The following RAB4A variants were observed in gnomAD, a reference collection of about 807,000 sequenced individuals.
RAB4A encodes RAB4A, member RAS oncogene family.
Under a neutral mutation model 34.5 loss-of-function variants are expected in RAB4A, and 20 were observed. The ratio of observed to expected loss-of-function variants is 0.58; its 90% CI spans 0.41 to 0.84. The LOEUF (loss-of-function observed/expected upper bound fraction) is 0.84, where lower values mean the gene tolerates loss of function less well. Among genes scored for constraint, RAB4A ranks in the 40% least tolerant of loss-of-function variants. The probability of loss-of-function intolerance (pLI) is 0.00; values close to 1 mark genes in which losing one functional copy is unlikely to be tolerated. For missense variants in RAB4A, 228 were observed against 274.5 expected, an observed-to-expected ratio of 0.83 and a Z score of 1.20; for synonymous variants, 102 against 100.0, an observed-to-expected ratio of 1.02 and a Z score of -0.12.
Position 229,305,358 on chromosome 1 carries a change from A to G in RAB4A, c.*1565A>G. 1 of 1,361,500 alleles carries G rather than the reference A, an allele frequency of 7.3e-7. No individual in the cohort carries two copies. Among genetic ancestry groups the G allele is most frequent in the South Asian group, 1.6e-5 (1 of 64,396 alleles). 84.3% of individuals were successfully genotyped at this position (1,361,500 alleles called of 1,614,324 possible). ...TTTTGCATGGGATAGGAGCATGTCT[A>G]TTCTAACACATCAGCTTATTCAAAA... On this transcript the variant is annotated 3_prime_UTR_variant, in exon 8 of 8. Coordinates refer to ENST00000366690, the MANE Select transcript of RAB4A (RefSeq NM_004578.4).
At chr1:229,298,848 A>ATTT in intron 5 of RAB4A, 129 bp from the exon 6 acceptor site, 1 of 670,180 alleles carries the variant, frequency 1.5e-6, no homozygotes, top group Non-Finnish European at 2.6e-6. Flanking sequence ...ATATTTACAG[A>ATTT]AATATATGGT....
chr1:229,279,852 GA>G (rs1313959304), intron 1 of RAB4A, among the ~76,000 whole-genome samples: 1 of 152,080 alleles, frequency 6.6e-6, no homozygotes, highest in Admixed American at 6.5e-5. Context: ...TAAACTGAGT[GA>G]GAAAAATTTA....
rs773213321 is a variant in RAB4A, at chr1:229,284,094, G to GTTTTTTTTTTTTTTTTTT, written c.32-2385_32-2368dup. On this transcript the variant is annotated intron_variant, in intron 1 of 7. Coordinates refer to ENST00000366690, the MANE Select transcript of RAB4A (RefSeq NM_004578.4). ...TTTTTTTTGTTGTTGGTGTTGTTTG[G>GTTTTTTTTTTTTTTTTTT]TTTTTTTTTTTTTTTTTTTTTTTTG... 4.4e-5 allele frequency among the ~76,000 whole-genome samples: 2 copies of GTTTTTTTTTTTTTTTTTT among 45,904 alleles called. 1 individual carries two copies. Among genetic ancestry groups the GTTTTTTTTTTTTTTTTTT allele is most frequent in the Non-Finnish European group, 7.6e-5 (2 of 26,356 alleles). The allele number at this position is 45,904 out of a possible 152,430, so 30.1% of individuals were successfully genotyped here.
chr1:229,293,533 A>G (rs545199256), intron 3 of RAB4A, among the ~76,000 whole-genome samples: 1 of 152,322 alleles, frequency 6.6e-6, no homozygotes, highest in South Asian at 2.1e-4. Flanking sequence ...AAGACCAAAT[A>G]TATATTTTTT....
At chr1:229,295,771 G>T in intron 3 of RAB4A, 77 bp from the exon 4 acceptor site, 1 of 1,371,188 alleles carries the variant, frequency 7.3e-7, no homozygotes, top group Non-Finnish European at 1.0e-6. Flanking sequence ...AGCAAGCATG[G>T]GTGTTTTTTC....
At chr1:229,298,614 C>CA (rs963551501) in intron 5 of RAB4A, among the ~76,000 whole-genome samples, 18 of 152,176 alleles carry the variant, frequency 1.2e-4, no homozygotes, top group Admixed American at 1.2e-3. Flanking sequence ...TGGTGACACT[C>CA]AGATTGTTTG....
Position 229,305,333 on chromosome 1 carries a change from T to C in RAB4A, c.*1540T>C, listed in dbSNP as rs911793285. The C allele has an allele frequency of 1.3e-6, 2 of 1,563,448 alleles. No homozygotes were observed. Among genetic ancestry groups the C allele is most frequent in the African/African-American group, 2.7e-5 (2 of 72,798 alleles). On this transcript the variant is annotated 3_prime_UTR_variant, in exon 8 of 8. Coordinates refer to ENST00000366690, the MANE Select transcript of RAB4A (RefSeq NM_004578.4). ...GCAAGCTGCTCATTTTTGAACAGCT[T>C]TTTGCATGGGATAGGAGCATGTCTA...
At chr1:229,271,550 C>T (rs1259986187) in intron 1 of RAB4A, among the ~76,000 whole-genome samples, 180 bp downstream of exon 1, 1 of 139,810 alleles carries the variant, frequency 7.2e-6, no homozygotes, top group East Asian at 2.1e-4. Flanking sequence ...GCTGGGGGCT[C>T]GGGTGGGGTA....
chr1:229,289,342 G>C (rs1259078477), intron 3 of RAB4A: 6 of 152,724 alleles, frequency 3.9e-5, no homozygotes, highest in Non-Finnish European at 8.8e-5. Flanking sequence ...TGCAAATGAG[G>C]TTACATGTTT....
intron 3 of RAB4A, among the ~76,000 whole-genome samples, chr1:229,292,282 G>A (rs1251058962): frequency 2.6e-5 from 4 of 152,090 alleles, no homozygotes; most frequent in Non-Finnish European, 5.9e-5. Context: ...ATTCTTAAAT[G>A]TGTATATTTG....
intron 1 of RAB4A, among the ~76,000 whole-genome samples, chr1:229,278,562 C>T (rs1656705812): frequency 6.6e-6 from 1 of 152,184 alleles, no homozygotes. Flanking sequence ...TCCATGTTGT[C>T]TCAGAAGGTC....
At chr1:229,275,172 G>A (rs1009152532) in intron 1 of RAB4A, among the ~76,000 whole-genome samples, 1 of 152,134 alleles carries the variant, frequency 6.6e-6, no homozygotes, top group Non-Finnish European at 1.5e-5. Context: ...TGAGGTCATC[G>A]TACTGAATTA....
chr1:229,279,723 G>A lies in RAB4A; in HGVS notation c.32-6763G>A, dbSNP rs569984393. ...TTATCTCATTTGACTTTTCTCATAC[G>A]GAAAGTTAAAAGTACATTAGTAGGA... On this transcript the variant is annotated intron_variant, in intron 1 of 7. Transcript: ENST00000366690. Among the ~76,000 whole-genome samples, 22 of 152,138 alleles carry A rather than the reference G, an allele frequency of 1.4e-4. No homozygotes were observed. The East Asian group carries it at 2.1e-3, about 15-fold the overall frequency.
At chr1:229,288,071 G>A (rs190239552) in intron 2 of RAB4A, among the ~76,000 whole-genome samples, 7 of 152,200 alleles carry the variant, frequency 4.6e-5, no homozygotes, top group East Asian at 1.9e-4. Context: ...AGAACACTAC[G>A]ATTAATGAAA....
chr1:229,283,269 G>C (rs868138691), intron 1 of RAB4A, among the ~76,000 whole-genome samples: 4 of 152,204 alleles, frequency 2.6e-5, no homozygotes, highest in African/African-American at 9.6e-5. Flanking sequence ...GCACACAAGA[G>C]CTCATTACAC....
rs533635845 is a variant in RAB4A, at chr1:229,276,522, A to G, written c.31+5152A>G. Among the ~76,000 whole-genome samples, 14 of 151,316 alleles carry G rather than the reference A, an allele frequency of 9.3e-5. No individual in the cohort carries two copies. The East Asian group carries it at 2.7e-3, about 29-fold the overall frequency. On this transcript the variant is annotated intron_variant, in intron 1 of 7. Coordinates refer to ENST00000366690, the MANE Select transcript of RAB4A (RefSeq NM_004578.4). ...ATCTTTTTTTCAGCTACCTAACTAC[A>G]CCTGGGTGGCCTACAGGCATCTGAA... is the stretch of plus-strand genomic sequence containing the variant.
Position 229,305,145 on chromosome 1 carries a change from TA to T in RAB4A, c.*1357del. 6.3e-7 allele frequency: 1 copy of T among 1,590,068 alleles called. No homozygotes were observed. Among genetic ancestry groups the T allele is most frequent in the Admixed American group, 1.8e-5 (1 of 55,714 alleles). Reference sequence around the variant, plus strand: ...TAAAAACTCTGGGAAATGACTAGGATAAAAATATCAGTATGTATCTGTTTTA... The same window carrying T: ...TAAAAACTCTGGGAAATGACTAGGATAAAATATCAGTATGTATCTGTTTTA... On this transcript the variant is annotated 3_prime_UTR_variant, in exon 8 of 8. Coordinates refer to ENST00000366690, the MANE Select transcript of RAB4A (RefSeq NM_004578.4).
At chr1:229,284,094 G>GTTTTT (rs773213321) in intron 1 of RAB4A, among the ~76,000 whole-genome samples, 18 of 45,908 alleles carry the variant, frequency 3.9e-4, no homozygotes, top group Non-Finnish European at 4.9e-4. Context: ...GTGTTGTTTG[G>GTTTTT]TTTTTTTTTT....
chr1:229,294,687 A>C (rs1657189628), intron 3 of RAB4A, among the ~76,000 whole-genome samples: 1 of 152,164 alleles, frequency 6.6e-6, no homozygotes, highest in Admixed American at 6.5e-5. Flanking sequence ...TAAAAATACA[A>C]AAATTAGCCA....
Sources: gnomAD v4.1 joint callset for allele counts (sites outside exome capture counted in the v4.1 genomes callset) on GRCh38, gnomAD v4.1.1 for gene constraint, MANE v1.5 for transcripts, NCBI Gene and HGNC (gene_info 2026-07-23, HGNC 2026-07-21) for gene names.